FRMPD4: variants seen among roughly 807,000 people sequenced by gnomAD.
FRMPD4 encodes the protein FERM and PDZ domain-containing protein 4.
Under a neutral mutation model 94.1 loss-of-function variants are expected in FRMPD4, and 22 were observed. The ratio of observed to expected loss-of-function variants is 0.23; its 90% CI spans 0.17 to 0.33. FRMPD4 has a LOEUF of 0.33. Among genes scored for constraint, FRMPD4 ranks in the 10% least tolerant of loss-of-function variants. FRMPD4 has a pLI of 1.00. For synonymous variants in FRMPD4, 631 were observed against 548.6 expected (o/e 1.15, Z -2.10); for missense variants, 1,111 against 1,339.9 (o/e 0.83, Z 2.67).
intron 5 of FRMPD4, among the ~76,000 whole-genome samples, chrX:12,683,052 G>C (rs1181919085): frequency 2.7e-5 from 3 of 111,686 alleles, no homozygotes; most frequent in African/African-American, 9.8e-5. Context: ...ATAGGATTAT[G>C]AATCATTTTA....
chrX:12,467,011 T>C (rs1202635004), intron 1 of FRMPD4, among the ~76,000 whole-genome samples: 1 of 111,606 alleles, frequency 9.0e-6, no homozygotes, highest in East Asian at 2.8e-4. Context: ...AGGAGAAGTG[T>C]GTGTATGTGT....
chrX:12,319,328 A>G (rs151198792), intron 1 of FRMPD4, among the ~76,000 whole-genome samples: 21 of 112,386 alleles, frequency 1.9e-4, no homozygotes, highest in African/African-American at 6.1e-4. Context: ...TTGTTCTCAT[A>G]CGCAGCTGCA....
At chrX:12,535,023 C>T (rs1447499075) in intron 2 of FRMPD4, among the ~76,000 whole-genome samples, 1 of 111,283 alleles carries the variant, frequency 9.0e-6, no homozygotes, top group African/African-American at 3.3e-5. Flanking sequence ...GTAGGAGAGA[C>T]CTGGTGGGAG....
At chrX:12,413,973 C>T (rs112423242) in intron 1 of FRMPD4, among the ~76,000 whole-genome samples, 1,683 of 112,242 alleles carry the variant, frequency 0.015, 29 homozygotes, top group African/African-American at 0.051. Flanking sequence ...CAATTAAAGC[C>T]CATAGGGCTA....
intron 3 of FRMPD4, among the ~76,000 whole-genome samples, chrX:12,059,319 A>T (rs1266908816): frequency 9.0e-6 from 1 of 111,572 alleles, no homozygotes. Context: ...AAAGTTTGGA[A>T]CTATTTTGTT....
Position 12,638,548 on chromosome X carries a change from A to C in FRMPD4, c.422+23667A>C, listed in dbSNP as rs149437866. Among the ~76,000 whole-genome samples the C allele has an allele frequency of 4.8e-3, 534 of 111,552 alleles. 3 individuals carry two copies. The highest frequency in any genetic ancestry group is 0.016 in the African/African-American group (488 of 30,698). On this transcript the variant is annotated intron_variant, in intron 4 of 16. Transcript: ENST00000675598. ...ACTGCACCTGACCTGGAAGACATAC[A>C]TTTTTATTCTAGTGGTTGTCATTAG...
chrX:12,443,128 G>A (rs918741355), intron 1 of FRMPD4, among the ~76,000 whole-genome samples: 1 of 111,420 alleles, frequency 9.0e-6, no homozygotes, highest in African/African-American at 3.3e-5. Flanking sequence ...TTATTTTTGG[G>A]TTTGATGAAA....
intron 1 of FRMPD4, among the ~76,000 whole-genome samples, chrX:12,455,013 C>T (rs1026817665): frequency 9.1e-6 from 1 of 110,231 alleles, no homozygotes; most frequent in Non-Finnish European, 1.9e-5. Context: ...TTAACAATTA[C>T]CATATAGCCA....
intron 3 of FRMPD4, among the ~76,000 whole-genome samples, chrX:12,123,284 T>A (rs752170123): frequency 9.0e-6 from 1 of 110,841 alleles, no homozygotes; most frequent in African/African-American, 3.3e-5. Context: ...ATTACAGGCG[T>A]GTGCCAGTAT....
chrX:12,486,804 C>G (rs745792272), intron 1 of FRMPD4, among the ~76,000 whole-genome samples: 1 of 111,604 alleles, frequency 9.0e-6, no homozygotes, highest in African/African-American at 3.3e-5. Context: ...CTCACTTGAG[C>G]CTATTATGTG....
chrX:11,875,696 G>A (rs145324162), intron 2 of FRMPD4, among the ~76,000 whole-genome samples: 1 of 110,063 alleles, frequency 9.1e-6, no homozygotes, highest in African/African-American at 3.3e-5. Flanking sequence ...CAAAGGAAAT[G>A]GGACACAGAA....
At chrX:12,543,391 A>G (rs1162968915) in intron 2 of FRMPD4, among the ~76,000 whole-genome samples, 1 of 112,243 alleles carries the variant, frequency 8.9e-6, no homozygotes, top group East Asian at 2.8e-4. Flanking sequence ...ACAAACTCAC[A>G]AGAAAAAAAC....
At chrX:11,974,234 T>C (rs1045182407) in intron 3 of FRMPD4, among the ~76,000 whole-genome samples, 1 of 110,887 alleles carries the variant, frequency 9.0e-6, no homozygotes, top group African/African-American at 3.3e-5. Context: ...GGAGCAGATC[T>C]CTCCCATGAG....
intron 3 of FRMPD4, among the ~76,000 whole-genome samples, chrX:12,129,599 C>T (rs1369605256): frequency 8.9e-6 from 1 of 111,887 alleles, no homozygotes; most frequent in Non-Finnish European, 1.9e-5. Flanking sequence ...ACAACATTCA[C>T]GGCTACCCAT....
intron 3 of FRMPD4, among the ~76,000 whole-genome samples, chrX:11,941,233 A>G (rs1416067460): frequency 4.0e-5 from 2 of 50,573 alleles, no homozygotes; most frequent in African/African-American, 1.0e-4. Context: ...ATGGAAATGC[A>G]GAAATCACCG....
chrX:12,095,398 A>G (rs980564082), intron 3 of FRMPD4, among the ~76,000 whole-genome samples: 1 of 109,466 alleles, frequency 9.1e-6, no homozygotes, highest in African/African-American at 3.3e-5. Flanking sequence ...AAAAAATACT[A>G]TTTCATGACA....
chrX:11,935,265 A>ATTTTT (rs1569129069), intron 3 of FRMPD4, among the ~76,000 whole-genome samples: 39 of 2,574 alleles, frequency 0.015, 1 homozygote, highest in African/African-American at 0.038. Flanking sequence ...TTTTTTTTTA[A>ATTTTT]TGTGTTTTTT....
intron 1 of FRMPD4, among the ~76,000 whole-genome samples, chrX:12,425,460 T>C (rs1262930373): frequency 2.7e-5 from 3 of 112,316 alleles, no homozygotes; most frequent in African/African-American, 6.5e-5. Context: ...AAGCATTACA[T>C]TATAGATACA....
intron 1 of FRMPD4, among the ~76,000 whole-genome samples, chrX:12,353,938 C>T (rs1040388553): frequency 1.8e-5 from 2 of 111,850 alleles, no homozygotes; most frequent in Admixed American, 9.5e-5. Flanking sequence ...GAGAAAGACA[C>T]GACTACTGTA....
Sources: allele counts gnomAD v4.1 joint callset (sites outside exome capture counted in the v4.1 genomes callset), GRCh38; gene constraint gnomAD v4.1.1; transcripts MANE v1.5; gene names NCBI Gene and HGNC (gene_info 2026-07-23, HGNC 2026-07-21).